Variants in SYNE2 observed in about 807,000 individuals in gnomAD.
SYNE2 encodes the protein spectrin repeat containing nuclear envelope protein 2.
Under a neutral mutation model 856.3 loss-of-function variants are expected in SYNE2, and 431 were observed. The ratio of observed to expected loss-of-function variants is 0.50; its 90% CI spans 0.47 to 0.55. SYNE2 has a LOEUF of 0.55. Ranked by LOEUF, SYNE2 falls within the 20% of genes least tolerant of loss-of-function variation. The pLI is 0.00. For missense variants in SYNE2, 8,129 were observed against 8,023.2 expected (o/e 1.01, Z -0.50); for synonymous variants, 2,923 against 2,872.3 (o/e 1.02, Z -0.56).
At chr14:63,767,251 G>T (rs531264267) in intron 1 of SYNE2, among the ~76,000 whole-genome samples, 7 of 151,592 alleles carry the variant, frequency 4.6e-5, no homozygotes, top group African/African-American at 1.7e-4. Context: ...GATTTCAGGC[G>T]CCAGCCAACA....
At chr14:64,014,869 G>A (rs1032383567) in intron 32 of SYNE2, among the ~76,000 whole-genome samples, 1 of 145,080 alleles carries the variant, frequency 6.9e-6, no homozygotes, top group African/African-American at 2.5e-5. Context: ...TTGATTTTTG[G>A]ATGTTAAACT....
At chr14:63,831,759 G>C (rs1175913472) in intron 1 of SYNE2, among the ~76,000 whole-genome samples, 1 of 151,444 alleles carries the variant, frequency 6.6e-6, no homozygotes, top group Non-Finnish European at 1.5e-5. Context: ...GGCCAGGCTG[G>C]TTTTGAACTC....
intron 90 of SYNE2, chr14:64,166,912 G>A (rs1330669947): frequency 3.9e-5 from 14 of 354,786 alleles, no homozygotes; most frequent in Admixed American, 8.3e-5. Flanking sequence ...CAGCCTGGGC[G>A]ACAGAATGAG....
At chr14:63,980,532 T>C (rs1429766813) in intron 14 of SYNE2, 122 bp from the exon 15 acceptor site, 1 of 677,058 alleles carries the variant, frequency 1.5e-6, no homozygotes, top group Non-Finnish European at 2.7e-6. Context: ...ATATGTAGTA[T>C]TAAAGCCCTA....
chr14:63,832,003 C>A (rs1356703863), intron 1 of SYNE2, among the ~76,000 whole-genome samples: 2 of 151,794 alleles, frequency 1.3e-5, no homozygotes, highest in Non-Finnish European at 2.9e-5. Context: ...GTATTTTATT[C>A]TTGTATCCCA....
At chr14:64,075,620 C>A in intron 53 of SYNE2, 1 of 164,656 alleles carries the variant, frequency 6.1e-6, no homozygotes, top group Non-Finnish European at 1.3e-5. Context: ...TTTTTTGCTG[C>A]TTGCAGCTTT....
chr14:64,083,480 A>T (rs1329323700), intron 57 of SYNE2, among the ~76,000 whole-genome samples: 1 of 151,984 alleles, frequency 6.6e-6, no homozygotes, highest in Non-Finnish European at 1.5e-5. Context: ...ATACACATGT[A>T]AAAATGTAAA....
intron 112 of SYNE2, among the ~76,000 whole-genome samples, chr14:64,222,112 G>A (rs373872358): frequency 2.6e-5 from 4 of 152,184 alleles, no homozygotes; most frequent in Admixed American, 2.0e-4. Context: ...GAGGAGAGTC[G>A]TGTCCTGGTG....
At chr14:63,931,655 T>A (rs756671318) in intron 2 of SYNE2, among the ~76,000 whole-genome samples, 18 of 152,198 alleles carry the variant, frequency 1.2e-4, no homozygotes, top group Non-Finnish European at 2.4e-4. Context: ...GTAAGTTTTA[T>A]CCTTAATACC....
chr14:64,015,576 T>G (rs1368099212), intron 32 of SYNE2, among the ~76,000 whole-genome samples: 1 of 152,092 alleles, frequency 6.6e-6, no homozygotes, highest in Non-Finnish European at 1.5e-5. Flanking sequence ...TCTTCTGTCT[T>G]TGCTTTTGTC....
At chr14:63,789,875 G>C (rs1350740052) in intron 1 of SYNE2, among the ~76,000 whole-genome samples, 1 of 152,100 alleles carries the variant, frequency 6.6e-6, no homozygotes, top group Non-Finnish European at 1.5e-5. Flanking sequence ...AAAAATTGTA[G>C]GGGAGTTTGA....
chr14:63,855,894 G>A (rs1331225802), intron 1 of SYNE2, among the ~76,000 whole-genome samples: 1 of 152,202 alleles, frequency 6.6e-6, no homozygotes, highest in Non-Finnish European at 1.5e-5. Flanking sequence ...GTATAACAGA[G>A]TGCTGGGACA....
At chr14:63,819,203 CAT>C (rs1566587934) in intron 1 of SYNE2, among the ~76,000 whole-genome samples, 1 of 151,986 alleles carries the variant, frequency 6.6e-6, no homozygotes, top group African/African-American at 2.4e-5. Flanking sequence ...ACAAGATTAA[CAT>C]ACAAAAATCA....
Position 64,168,766 on chromosome 14 carries a change from T to C in SYNE2, c.16906-111T>C, listed in dbSNP as rs2098396003. The C allele has an allele frequency of 5.3e-6, 4 of 757,280 alleles. No individual in the cohort carries two copies. In the East Asian group the frequency reaches 1.1e-4, roughly 21 times the overall value. The allele number at this position is 757,280 out of a possible 1,614,324, so 46.9% of individuals were successfully genotyped here. Reference sequence around the variant, plus strand: ...CAGTAGGTTCAAATAATATGAAAATTAATTATCCCTCATATCCTTTGTAAG... The same window carrying C: ...CAGTAGGTTCAAATAATATGAAAATCAATTATCCCTCATATCCTTTGTAAG... On this transcript the variant is annotated intron_variant, in intron 92 of 115. Coordinates refer to ENST00000555002, the MANE Select transcript of SYNE2 (RefSeq NM_182914.3).
chr14:63,941,823 T>C (rs2095920601), intron 4 of SYNE2, 33 bp downstream of exon 4: 2 of 1,612,178 alleles, frequency 1.2e-6, no homozygotes, highest in South Asian at 1.1e-5. Context: ...AGAAACTTTC[T>C]GTTGACTTAA....
chr14:63,784,953 T>G (rs200109790), intron 1 of SYNE2, among the ~76,000 whole-genome samples: 10 of 151,690 alleles, frequency 6.6e-5, no homozygotes, highest in Non-Finnish European at 7.4e-5. Flanking sequence ...GTTATTTTTT[T>G]GGGGGGGTGA....
intron 1 of SYNE2, among the ~76,000 whole-genome samples, chr14:63,785,051 C>A (rs1443258171): frequency 6.6e-6 from 1 of 151,894 alleles, no homozygotes; most frequent in African/African-American, 2.4e-5. Flanking sequence ...GAAAACAAAC[C>A]CTCTTGTATT....
chr14:64,084,141 C>G (rs1447165519), intron 57 of SYNE2: 1 of 152,264 alleles, frequency 6.6e-6, no homozygotes, highest in African/African-American at 2.4e-5. Flanking sequence ...CCAGGCTGGT[C>G]TTGAACTCCT....
intron 44 of SYNE2, among the ~76,000 whole-genome samples, chr14:64,030,708 G>A (rs1265070255): frequency 6.6e-6 from 1 of 152,158 alleles, no homozygotes; most frequent in Non-Finnish European, 1.5e-5. Flanking sequence ...ATTATTCAGT[G>A]TTTTGATTGT....
Sources: gnomAD v4.1 joint callset for allele counts (sites outside exome capture counted in the v4.1 genomes callset) on GRCh38, gnomAD v4.1.1 for gene constraint, MANE v1.5 for transcripts, NCBI Gene and HGNC (gene_info 2026-07-23, HGNC 2026-07-21) for gene names.